The following KCNB2 variants were observed in gnomAD, a reference collection of about 807,000 sequenced individuals.
The protein encoded by KCNB2 is delayed rectifier potassium channel protein.
In KCNB2, 15 loss-of-function variants were observed where a neutral mutation model predicts 61.5. The ratio of observed to expected loss-of-function variants is 0.24; its 90% CI spans 0.16 to 0.38. KCNB2 has a LOEUF of 0.38. KCNB2 is among the 10% of genes least tolerant of loss of function. The pLI is 1.00. For missense variants in KCNB2, 828 were observed against 1,125.2 expected, an observed-to-expected ratio of 0.74 and a Z score of 3.78; for synonymous variants, 457 against 446.0, an observed-to-expected ratio of 1.02 and a Z score of -0.31.
intron 2 of KCNB2, among the ~76,000 whole-genome samples, chr8:72,849,162 T>TTTTTTGTTTG (rs1382615746): frequency 2.0e-5 from 3 of 151,010 alleles, no homozygotes; most frequent in African/African-American, 7.3e-5. Flanking sequence ...TAATTTTTTT[T>TTTTTTGTTTG]ATTTTACAAT....
In KCNB2 at chr8:72,736,653, G is replaced by A. The variant is rs185388510; in HGVS notation, c.579+168340G>A. Among the ~76,000 whole-genome samples the A allele has an allele frequency of 1.8e-3, 272 of 152,018 alleles. 1 individual carries two copies. Among genetic ancestry groups the A allele is most frequent in the African/African-American group, 6.2e-3 (259 of 41,480 alleles). ...TCCAGCCAACTCTTTCAGCACCCCC[G>A]CTTCAGTCTCTATCTAACAAGATAC... On this transcript the variant is annotated intron_variant, in intron 2 of 2. Transcript: ENST00000523207.
intron 2 of KCNB2, among the ~76,000 whole-genome samples, chr8:72,588,453 T>TCAGGTGATCCGCCAAACC (rs2128981186): frequency 6.6e-6 from 1 of 152,024 alleles, no homozygotes; most frequent in African/African-American, 2.4e-5. Flanking sequence ...TCCGCCGACC[T>TCAGGTGATCCGCCAAACC]CAGGTGATCC....
Position 72,639,746 on chromosome 8 carries a change from C to T in KCNB2, c.579+71433C>T, listed in dbSNP as rs115787300. Among the ~76,000 whole-genome samples, 982 of 152,112 alleles carry T rather than the reference C, an allele frequency of 6.5e-3. 9 individuals are homozygous for T. The highest frequency in any genetic ancestry group is 0.022 in the African/African-American group (919 of 41,522). On this transcript the variant is annotated intron_variant, in intron 2 of 2. Transcript: ENST00000523207. The stretch of plus-strand genomic sequence containing the variant: ...TGAAAAATGTAGGTGCCAGGCCCGC[C>T]GGAGACCAGTGAAACACGATTTCAA...
intron 2 of KCNB2, among the ~76,000 whole-genome samples, chr8:72,796,734 T>C (rs877521): frequency 0.1 from 15,310 of 152,174 alleles, 1,050 homozygotes; most frequent in East Asian, 0.39. Context: ...TTTTGGCCCA[T>C]TGTCACAGAA....
chr8:72,550,278 A>T (rs1047396368), intron 1 of KCNB2, among the ~76,000 whole-genome samples: 3 of 152,208 alleles, frequency 2.0e-5, no homozygotes, highest in Non-Finnish European at 4.4e-5. Flanking sequence ...ACTGCTTCTT[A>T]TACTCTAACT....
chr8:72,694,652 T>C (rs1457683917), intron 2 of KCNB2, among the ~76,000 whole-genome samples: 1 of 152,110 alleles, frequency 6.6e-6, no homozygotes, highest in Admixed American at 6.6e-5. Flanking sequence ...GTATGAGTCA[T>C]TGATAAGCAT....
At chr8:72,682,812 G>T (rs1232548635) in intron 2 of KCNB2, among the ~76,000 whole-genome samples, 1 of 151,988 alleles carries the variant, frequency 6.6e-6, no homozygotes, top group Non-Finnish European at 1.5e-5. Flanking sequence ...TCACTACGTT[G>T]CCCAGGCTAA....
chr8:72,621,387 A>C (rs533457867), intron 2 of KCNB2, among the ~76,000 whole-genome samples: 1 of 152,188 alleles, frequency 6.6e-6, no homozygotes, highest in Admixed American at 6.5e-5. Context: ...GAAAGATGGG[A>C]TGGAGTATAA....
chr8:72,841,744 GA>G lies in KCNB2; in HGVS notation c.580-94189del, dbSNP rs1809892108. Among the ~76,000 whole-genome samples, 3 of 151,956 alleles carry G rather than the reference GA, an allele frequency of 2.0e-5. No homozygotes were observed. The South Asian group carries it at 6.2e-4, about 32-fold the overall frequency. On this transcript the variant is annotated intron_variant, in intron 2 of 2. Transcript: ENST00000523207. ...ATTTGGCTGTCTGTCTATTATTGTT[GA>G]ATAGGAATGCTTGTGATTTTTGCAC...
chr8:72,913,718 C>T (rs1435990347), intron 2 of KCNB2, among the ~76,000 whole-genome samples: 1 of 152,222 alleles, frequency 6.6e-6, no homozygotes, highest in Non-Finnish European at 1.5e-5. Context: ...ACTTCCCAGC[C>T]AGTCTGGAGT....
intron 2 of KCNB2, among the ~76,000 whole-genome samples, chr8:72,657,385 A>G (rs1256104717): frequency 1.3e-5 from 2 of 152,200 alleles, no homozygotes; most frequent in African/African-American, 4.8e-5. Context: ...AGTTAATAAC[A>G]TATTAATCTT....
intron 2 of KCNB2, among the ~76,000 whole-genome samples, chr8:72,809,172 G>T (rs763332910): frequency 6.6e-6 from 1 of 152,026 alleles, no homozygotes; most frequent in African/African-American, 2.4e-5. Flanking sequence ...ATCTAGTAAG[G>T]TACTCTCCTG....
chr8:72,891,391 A>G (rs1805893759), intron 2 of KCNB2, among the ~76,000 whole-genome samples: 1 of 152,164 alleles, frequency 6.6e-6, no homozygotes, highest in Non-Finnish European at 1.5e-5. Context: ...CTTCAAAATT[A>G]TTTTACATGC....
intron 2 of KCNB2, among the ~76,000 whole-genome samples, chr8:72,688,694 T>C (rs1806893743): frequency 6.6e-6 from 1 of 152,146 alleles, no homozygotes; most frequent in Non-Finnish European, 1.5e-5. Flanking sequence ...CATAATTTTA[T>C]AAAGAAAGGA....
At chr8:72,593,979 G>A (rs1410389896) in intron 2 of KCNB2, among the ~76,000 whole-genome samples, 2 of 152,044 alleles carry the variant, frequency 1.3e-5, no homozygotes, top group South Asian at 2.1e-4. Context: ...AAGTTTCTGT[G>A]AGGATTGTTT....
At chr8:72,541,112 T>A (rs1287992744) in intron 1 of KCNB2, among the ~76,000 whole-genome samples, 1 of 151,820 alleles carries the variant, frequency 6.6e-6, no homozygotes, top group Non-Finnish European at 1.5e-5. Flanking sequence ...TTAAGACACA[T>A]CCATGAAGAG....
intron 2 of KCNB2, among the ~76,000 whole-genome samples, chr8:72,822,391 T>C (rs562830505): frequency 1.3e-5 from 2 of 152,312 alleles, no homozygotes; most frequent in South Asian, 4.1e-4. Context: ...AAGACACAGA[T>C]AGGAAAGAGT....
At chr8:72,682,702 T>A (rs908692790) in intron 2 of KCNB2, among the ~76,000 whole-genome samples, 2 of 151,942 alleles carry the variant, frequency 1.3e-5, no homozygotes, top group Non-Finnish European at 2.9e-5. Context: ...CAAACAATCC[T>A]CCCACCTCAG....
intron 2 of KCNB2, among the ~76,000 whole-genome samples, chr8:72,731,546 T>C: frequency 6.6e-6 from 1 of 152,222 alleles, no homozygotes; most frequent in East Asian, 1.9e-4. Context: ...GTTTAGGAGC[T>C]GCTTTGGGCA....
Sources: gnomAD v4.1 joint callset for allele counts (sites outside exome capture counted in the v4.1 genomes callset) on GRCh38, gnomAD v4.1.1 for gene constraint, MANE v1.5 for transcripts, NCBI Gene and HGNC (gene_info 2026-07-23, HGNC 2026-07-21) for gene names.